CSMD1: variants seen among roughly 807,000 people sequenced by gnomAD.
The protein encoded by CSMD1 is CUB and Sushi multiple domains 1.
CSMD1 carries 213 observed loss-of-function variants against 417.5 expected under a neutral mutation model. The observed-to-expected ratio is 0.51, with a 90% CI of 0.46 to 0.57. CSMD1 has a LOEUF of 0.57. CSMD1 is among the 20% of genes least tolerant of loss of function. The pLI is 0.00. For missense variants in CSMD1, 6,923 were observed against 4,529.7 expected, an observed-to-expected ratio of 1.53 and a Z score of -15.17; for synonymous variants, 2,862 against 1,736.8, an observed-to-expected ratio of 1.65 and a Z score of -16.11.
At chr8:3,653,903 A>G (rs1397523688) in intron 7 of CSMD1, among the ~76,000 whole-genome samples, 1 of 152,224 alleles carries the variant, frequency 6.6e-6, no homozygotes, top group African/African-American at 2.4e-5. Context: ...AGTATTAAAA[A>G]TCAGCACTTG....
chr8:4,473,910 A>T (rs1415377264), intron 2 of CSMD1, among the ~76,000 whole-genome samples: 1 of 152,200 alleles, frequency 6.6e-6, no homozygotes, highest in Admixed American at 6.5e-5. Flanking sequence ...GAAAAAGAAC[A>T]AACTAATCAA....
intron 3 of CSMD1, among the ~76,000 whole-genome samples, chr8:4,049,558 G>C (rs969888953): frequency 2.0e-5 from 3 of 151,802 alleles, no homozygotes; most frequent in African/African-American, 4.8e-5. Flanking sequence ...CTGACTTCTA[G>C]ATTTTTATAC....
At chr8:3,739,350 T>G (rs538133178) in intron 6 of CSMD1, among the ~76,000 whole-genome samples, 1 of 152,306 alleles carries the variant, frequency 6.6e-6, no homozygotes, top group Non-Finnish European at 1.5e-5. Context: ...CACCACAGTG[T>G]GACTGTAGTT....
intron 5 of CSMD1, among the ~76,000 whole-genome samples, chr8:3,900,727 A>G (rs923759701): frequency 1.3e-5 from 2 of 151,956 alleles, no homozygotes; most frequent in Non-Finnish European, 2.9e-5. Context: ...GCTGGGTGAC[A>G]CTATAGCTAG....
intron 1 of CSMD1, among the ~76,000 whole-genome samples, chr8:4,916,151 A>C (rs1478200319): frequency 1.3e-5 from 2 of 152,230 alleles, no homozygotes; most frequent in Non-Finnish European, 2.9e-5. Context: ...TCAGGGCATA[A>C]AAATGTTTTT....
At chr8:3,992,650 C>G (rs898257456) in intron 5 of CSMD1, among the ~76,000 whole-genome samples, 4 of 152,090 alleles carry the variant, frequency 2.6e-5, no homozygotes, top group African/African-American at 4.8e-5. Flanking sequence ...AGCCAGGGTT[C>G]TGCACCTGTA....
intron 3 of CSMD1, among the ~76,000 whole-genome samples, chr8:4,230,792 C>T (rs758056386): frequency 6.6e-6 from 1 of 151,456 alleles, no homozygotes; most frequent in Non-Finnish European, 1.5e-5. Flanking sequence ...GTAATTTTTA[C>T]CTCTCATACT....
intron 3 of CSMD1, among the ~76,000 whole-genome samples, chr8:4,341,110 C>T (rs1044621830): frequency 6.6e-6 from 1 of 151,918 alleles, no homozygotes; most frequent in Non-Finnish European, 1.5e-5. Context: ...ATCTCATTTC[C>T]AATACATCGT....
chr8:4,208,210 TTTC>T (rs1178428887), intron 3 of CSMD1, among the ~76,000 whole-genome samples: 1 of 152,170 alleles, frequency 6.6e-6, no homozygotes, highest in Admixed American at 6.5e-5. Context: ...AACACAGATA[TTTC>T]TTCTTGCTTT....
At chr8:3,926,096 C>CACACACACACCAT (rs1809683370) in intron 5 of CSMD1, among the ~76,000 whole-genome samples, 1 of 81,142 alleles carries the variant, frequency 1.2e-5, no homozygotes, top group African/African-American at 5.3e-5. Context: ...CACACACACA[C>CACACACACACCAT]ACACACACAC....
intron 3 of CSMD1, among the ~76,000 whole-genome samples, chr8:4,323,964 G>A (rs576211634): frequency 2.0e-5 from 3 of 152,280 alleles, no homozygotes; most frequent in South Asian, 2.1e-4. Context: ...GGCTGTCAGT[G>A]CAGCCTGCTG....
intron 5 of CSMD1, among the ~76,000 whole-genome samples, chr8:3,952,165 G>C (rs956243062): frequency 9.2e-5 from 14 of 152,112 alleles, no homozygotes; most frequent in Admixed American, 2.6e-4. Flanking sequence ...CCTTCAATGG[G>C]ACAGAGCAGA....
chr8:4,849,771 T>A (rs1183223138), intron 1 of CSMD1, among the ~76,000 whole-genome samples: 3 of 152,222 alleles, frequency 2.0e-5, no homozygotes, highest in Non-Finnish European at 4.4e-5. Context: ...TTGGTTTTAG[T>A]AAGTGCACTC....
intron 7 of CSMD1, among the ~76,000 whole-genome samples, chr8:3,621,644 G>A (rs545656519): frequency 6.6e-6 from 1 of 151,826 alleles, no homozygotes; most frequent in Non-Finnish European, 1.5e-5. Flanking sequence ...CCAGGCTGCA[G>A]TGCAGTGGCA....
At chr8:4,369,700 G>A (rs114067575) in intron 3 of CSMD1, among the ~76,000 whole-genome samples, 1 of 152,080 alleles carries the variant, frequency 6.6e-6, no homozygotes, top group African/African-American at 2.4e-5. Flanking sequence ...TAATGCCCTT[G>A]TCTTTTTTTA....
intron 1 of CSMD1, among the ~76,000 whole-genome samples, chr8:4,726,938 G>A (rs1312134322): frequency 6.6e-6 from 1 of 152,136 alleles, no homozygotes; most frequent in Non-Finnish European, 1.5e-5. Context: ...TCTGGGGATT[G>A]TACATATGTA....
intron 54 of CSMD1, among the ~76,000 whole-genome samples, chr8:2,985,278 C>T (rs1805788337): frequency 6.6e-6 from 1 of 152,204 alleles, no homozygotes; most frequent in Non-Finnish European, 1.5e-5. Context: ...CTGCCTAGTT[C>T]AGGAACACGC....
At chr8:4,519,198 G>C (rs956271573) in intron 2 of CSMD1, among the ~76,000 whole-genome samples, 11 of 152,042 alleles carry the variant, frequency 7.2e-5, no homozygotes, top group Non-Finnish European at 1.6e-4. Flanking sequence ...TAAATTACTA[G>C]ATCTTTGAAG....
At chr8:4,426,151 G>A (rs17414486) in intron 2 of CSMD1, among the ~76,000 whole-genome samples, 12,788 of 151,452 alleles carry the variant, frequency 0.084, 771 homozygotes, top group Non-Finnish European at 0.12. Context: ...TTTCCAGACA[G>A]CATATACAGA....
Sources: gnomAD v4.1 joint callset for allele counts (sites outside exome capture counted in the v4.1 genomes callset) on GRCh38, gnomAD v4.1.1 for gene constraint, MANE v1.5 for transcripts, NCBI Gene and HGNC (gene_info 2026-07-23, HGNC 2026-07-21) for gene names.